Variants in MBOAT2 observed in about 807,000 individuals in gnomAD.
The protein encoded by MBOAT2 is membrane-bound glycerophospholipid O-acyltransferase 2.
MBOAT2 carries 28 observed loss-of-function variants against 63.4 expected under a neutral mutation model. The observed-to-expected ratio is 0.44, with a 90% CI of 0.33 to 0.61. The LOEUF (loss-of-function observed/expected upper bound fraction) is 0.61, where lower values mean the gene tolerates loss of function less well. MBOAT2 is among the 20% of genes least tolerant of loss of function. MBOAT2 has a pLI of 0.03. For missense variants in MBOAT2, 470 were observed against 605.8 expected, an observed-to-expected ratio of 0.78 and a Z score of 2.35; for synonymous variants, 211 against 215.6, an observed-to-expected ratio of 0.98 and a Z score of 0.19.
chr2:8,943,226 T>C lies in MBOAT2; in HGVS notation c.260A>G (p.Tyr87Cys). 1.3e-6 allele frequency: 2 copies of C among 1,588,854 alleles called. No individual in the cohort carries two copies. Among genetic ancestry groups the C allele is most frequent in the Non-Finnish European group, 1.7e-6 (2 of 1,164,114 alleles). ...LHFLVQSGISYCIMIIIGVEN... is the reference protein window; with the variant it reads ...LHFLVQSGISCCIMIIIGVEN... Reference sequence around the variant, plus strand: ...CACTCCTATGATGATCATGATACAGTAGGAAATTCCACTTTGTACAAGAAA... The same window carrying C: ...CACTCCTATGATGATCATGATACAGCAGGAAATTCCACTTTGTACAAGAAA... The change falls in exon 3 of 13, where the codon TAC (tyrosine) becomes TGC (cysteine). Residue 87 changes from tyrosine to cysteine, a missense_variant. Physicochemically the swap from Tyr to Cys is radical, Grantham distance 194. Around this residue, in one of 3 missense-constraint regions of MBOAT2, gnomAD observed 376 missense variants for 503.8 expected, o/e 0.75. Transcript: ENST00000305997.
At chr2:8,958,135 C>T (rs1376027843) in intron 2 of MBOAT2, among the ~76,000 whole-genome samples, 1 of 152,172 alleles carries the variant, frequency 6.6e-6, no homozygotes, top group Non-Finnish European at 1.5e-5. Context: ...TTAAAAGCTA[C>T]TTGCCCAGAG....
intron 5 of MBOAT2, among the ~76,000 whole-genome samples, chr2:8,886,462 A>G (rs540822705): frequency 5.2e-4 from 79 of 152,342 alleles, no homozygotes; most frequent in South Asian, 2.3e-3. Flanking sequence ...TAGCTGAGAA[A>G]ATATGGCTTA....
intron 5 of MBOAT2, among the ~76,000 whole-genome samples, chr2:8,886,066 C>G (rs747324855): frequency 3.7e-4 from 56 of 152,174 alleles, no homozygotes; most frequent in Non-Finnish European, 3.5e-4. Context: ...TTCTGAACAC[C>G]TGCTTTCCTT....
intron 1 of MBOAT2, among the ~76,000 whole-genome samples, chr2:8,983,312 A>T (rs1671330560): frequency 6.6e-6 from 1 of 152,218 alleles, no homozygotes; most frequent in Admixed American, 6.6e-5. Context: ...TCTTAGGTGA[A>T]ATGCACCAAT....
intron 1 of MBOAT2, among the ~76,000 whole-genome samples, chr2:8,984,221 A>G (rs1392151080): frequency 6.6e-6 from 1 of 152,212 alleles, no homozygotes; most frequent in Non-Finnish European, 1.5e-5. Flanking sequence ...TCACAGAAAC[A>G]AAAGGCCAGG....
intron 3 of MBOAT2, among the ~76,000 whole-genome samples, chr2:8,923,243 AC>A (rs1666708406): frequency 6.6e-6 from 1 of 152,206 alleles, no homozygotes; most frequent in Non-Finnish European, 1.5e-5. Context: ...TAAATTGCTT[AC>A]TGTTTCAGAG....
rs1304776212 is a variant in MBOAT2, at chr2:8,852,703, CT to C, written c.*5975del. 2.6e-5 allele frequency: 4 copies of C among 152,034 alleles called. No homozygotes were observed. The highest frequency in any genetic ancestry group is 4.4e-5 in the Non-Finnish European group (3 of 68,002). The allele number at this position is 152,034 out of a possible 1,614,324, so 9.4% of individuals were successfully genotyped here. ...CACACACACGCATATTTTTAAACTA[CT>C]GTTTAATCAGTTGTAAAGACACACA... On this transcript the variant is annotated 3_prime_UTR_variant, in exon 13 of 13. Transcript: ENST00000305997.
chr2:9,003,419 A>AG lies in MBOAT2; in HGVS notation c.75+120dup, dbSNP rs1306917079. On this transcript the variant is annotated intron_variant, in intron 1 of 12. Coordinates refer to ENST00000305997, the MANE Select transcript of MBOAT2 (RefSeq NM_138799.4). This position sits in a 1 kb window ranked among gnomAD's most constrained non-coding sequence, Gnocchi z 5.4. The stretch of plus-strand genomic sequence containing the variant: ...CCCTCCCTTCCAGGGAGCGGCGGGT[A>AG]GGGGGGCACCGGGCGCCCGGCCCCA... 1.5e-5 allele frequency: 6 copies of AG among 401,748 alleles called. No individual in the cohort carries two copies. Among genetic ancestry groups the AG allele is most frequent in the Non-Finnish European group, 2.2e-5 (6 of 268,426 alleles). The allele number at this position is 401,748 out of a possible 1,614,324, so 24.9% of individuals were successfully genotyped here.
chr2:8,882,720 C>G (rs1422692398), intron 5 of MBOAT2, among the ~76,000 whole-genome samples, 155 bp from the exon 6 acceptor site: 1 of 152,190 alleles, frequency 6.6e-6, no homozygotes, highest in African/African-American at 2.4e-5. Flanking sequence ...CATGGCAACA[C>G]AGCCTCGATC....
chr2:8,969,869 G>T (rs1196342124), intron 1 of MBOAT2, among the ~76,000 whole-genome samples: 1 of 152,180 alleles, frequency 6.6e-6, no homozygotes, highest in Non-Finnish European at 1.5e-5. Flanking sequence ...GATTCATAAA[G>T]CAAGTCCTTA....
At chr2:8,922,017 TG>T (rs1378756734) in intron 3 of MBOAT2, among the ~76,000 whole-genome samples, 11 of 152,202 alleles carry the variant, frequency 7.2e-5, no homozygotes, top group African/African-American at 2.7e-4. Context: ...TGTTGATGCA[TG>T]GGATATTATC....
chr2:8,890,608 C>G (rs1326427053), intron 4 of MBOAT2, among the ~76,000 whole-genome samples: 4 of 152,174 alleles, frequency 2.6e-5, no homozygotes, highest in Non-Finnish European at 5.9e-5. Context: ...AAGCCTTGAC[C>G]TTCTGGGCTC....
At position 8,943,274 on chromosome 2, in the gene MBOAT2, G is replaced by A; in HGVS notation, c.222-10C>T. Reference sequence around the variant, plus strand: ...AAAGTGTAAGGCATACCTATAAAAAGTAAGAGCACTATTAGAAGAGGGATG... The same window carrying A: ...AAAGTGTAAGGCATACCTATAAAAAATAAGAGCACTATTAGAAGAGGGATG... On this transcript the variant is annotated splice_polypyrimidine_tract_variant and intron_variant, in intron 2 of 12. Coordinates refer to ENST00000305997, the MANE Select transcript of MBOAT2 (RefSeq NM_138799.4). The A allele has an allele frequency of 6.6e-7, 1 of 1,521,634 alleles. No individual in the cohort carries two copies. Among genetic ancestry groups the A allele is most frequent in the Non-Finnish European group, 8.9e-7 (1 of 1,119,882 alleles). 94.3% of individuals were successfully genotyped at this position (1,521,634 alleles called of 1,614,324 possible).
At chr2:8,977,417 TTC>T (rs1329603250) in intron 1 of MBOAT2, among the ~76,000 whole-genome samples, 2 of 152,162 alleles carry the variant, frequency 1.3e-5, no homozygotes, top group Admixed American at 1.3e-4. Context: ...CATTCATCCT[TTC>T]AATGGCTTAA....
intron 4 of MBOAT2, among the ~76,000 whole-genome samples, chr2:8,890,708 C>T (rs536581192): frequency 4.6e-5 from 7 of 152,054 alleles, no homozygotes; most frequent in South Asian, 2.1e-4. Context: ...TTTGTAGACA[C>T]GGGGTTTTGC....
intron 2 of MBOAT2, among the ~76,000 whole-genome samples, chr2:8,954,450 C>T (rs985296667): frequency 6.6e-6 from 1 of 152,094 alleles, no homozygotes; most frequent in African/African-American, 2.4e-5. Flanking sequence ...CCTACAGATC[C>T]CCCAGTGGCA....
At chr2:8,914,536 T>C (rs1334016341) in intron 3 of MBOAT2, among the ~76,000 whole-genome samples, 3 of 152,000 alleles carry the variant, frequency 2.0e-5, no homozygotes. Flanking sequence ...CAACGAGCTA[T>C]ACGGAATTGA....
chr2:8,946,853 G>A (rs1668454950), intron 2 of MBOAT2, among the ~76,000 whole-genome samples: 2 of 152,110 alleles, frequency 1.3e-5, no homozygotes, highest in Non-Finnish European at 2.9e-5. Flanking sequence ...CCCCATTCCG[G>A]AGAGACAACA....
intron 4 of MBOAT2, 84 bp from the exon 5 acceptor site, chr2:8,888,157 G>C (rs1431541580): frequency 7.9e-7 from 1 of 1,262,560 alleles, no homozygotes; most frequent in African/African-American, 1.5e-5. Context: ...AGTTTATTCT[G>C]CTTTTATCAC....
Sources: gnomAD v4.1 joint callset for allele counts (sites outside exome capture counted in the v4.1 genomes callset) on GRCh38, gnomAD v4.1.1 for gene constraint, gnomAD v4.1.1 regional missense constraint, Gnocchi (gnomAD v3.1) non-coding constraint, MANE v1.5 for transcripts, NCBI Gene and HGNC (gene_info 2026-07-23, HGNC 2026-07-21) for gene names.